LANCL3: variants seen among roughly 807,000 people sequenced by gnomAD.
LANCL3 encodes lanC-like protein 3.
LANCL3 carries 19 observed loss-of-function variants against 26.5 expected under a neutral mutation model. That is an observed-to-expected ratio of 0.72 (90% CI 0.50 to 1.05). The LOEUF (loss-of-function observed/expected upper bound fraction) is 1.05, where lower values mean the gene tolerates loss of function less well. Ranked by LOEUF, LANCL3 falls within the 50% of genes least tolerant of loss-of-function variation. LANCL3 has a pLI of 0.00. For synonymous variants in LANCL3, 160 were observed against 166.6 expected (o/e 0.96, Z 0.30); for missense variants, 318 against 362.7 (o/e 0.88, Z 1.00).
chrX:37,671,459 A>G (rs1926682750), intron 4 of LANCL3, among the ~76,000 whole-genome samples: 3 of 111,535 alleles, frequency 2.7e-5, no homozygotes, highest in African/African-American at 9.8e-5. Context: ...GTGTAATCCA[A>G]CGGCTTCCCA....
chrX:37,663,612 A>T (rs1238003248), intron 3 of LANCL3, among the ~76,000 whole-genome samples: 1 of 111,380 alleles, frequency 9.0e-6, no homozygotes, highest in Non-Finnish European at 1.9e-5. Context: ...AAGCAGGGGA[A>T]TGTCATGGTC....
intron 1 of LANCL3, among the ~76,000 whole-genome samples, chrX:37,644,457 C>T (rs1925940345): frequency 8.9e-6 from 1 of 112,074 alleles, no homozygotes; most frequent in Non-Finnish European, 1.9e-5. Context: ...CCAAAGGAGC[C>T]TCAAGCCCTG....
At chrX:37,589,182 G>A (rs1556418583) in intron 1 of LANCL3, among the ~76,000 whole-genome samples, 1 of 110,723 alleles carries the variant, frequency 9.0e-6, no homozygotes, top group East Asian at 2.8e-4. Flanking sequence ...AAAAAGAATT[G>A]CACATTTATT....
intron 3 of LANCL3, among the ~76,000 whole-genome samples, chrX:37,660,422 C>T (rs1926388865): frequency 8.9e-6 from 1 of 112,061 alleles, no homozygotes; most frequent in Non-Finnish European, 1.9e-5. Context: ...TAGTCATCCC[C>T]AGTAAACTCT....
intron 1 of LANCL3, among the ~76,000 whole-genome samples, chrX:37,649,397 T>TGAACAATGAG (rs782151445): frequency 9.1e-6 from 1 of 110,068 alleles, no homozygotes; most frequent in Non-Finnish European, 1.9e-5. Flanking sequence ...AAGTGGGAGT[T>TGAACAATGAG]GAACAATGAG....
chrX:37,652,645 G>A (rs1926182761), intron 1 of LANCL3, among the ~76,000 whole-genome samples: 1 of 112,317 alleles, frequency 8.9e-6, no homozygotes, highest in Non-Finnish European at 1.9e-5. Flanking sequence ...GTTTGGTGAA[G>A]GCCTGATGGC....
In LANCL3 at chrX:37,585,980, A is replaced by C. The variant is rs185373146; in HGVS notation, c.573+13537A>C. Among the ~76,000 whole-genome samples the C allele has an allele frequency of 1.0e-2, 1,107 of 111,194 alleles. 20 individuals are homozygous for C. Among genetic ancestry groups the C allele is most frequent in the African/African-American group, 0.035 (1,066 of 30,553 alleles). Reference sequence around the variant, plus strand: ...GAGTGCTTCCTTCAGGAGCTCTTTTAGGGCAGGCCTGGTGGTGACAAAATC... The same window carrying C: ...GAGTGCTTCCTTCAGGAGCTCTTTTCGGGCAGGCCTGGTGGTGACAAAATC... On this transcript the variant is annotated intron_variant, in intron 1 of 4. Transcript: ENST00000378619.
At chrX:37,590,247 C>T (rs1171568953) in intron 1 of LANCL3, among the ~76,000 whole-genome samples, 1 of 112,572 alleles carries the variant, frequency 8.9e-6, no homozygotes, top group Admixed American at 9.4e-5. Context: ...AGATAATTTG[C>T]TTACATAGCA....
intron 1 of LANCL3, among the ~76,000 whole-genome samples, chrX:37,583,180 C>CG (rs1306936628): frequency 8.9e-6 from 1 of 111,827 alleles, no homozygotes; most frequent in Non-Finnish European, 1.9e-5. Context: ...ATCGATATCT[C>CG]TGTTTTGGTA....
intron 1 of LANCL3, among the ~76,000 whole-genome samples, chrX:37,579,181 T>A (rs1923831851): frequency 9.0e-6 from 1 of 110,779 alleles, no homozygotes; most frequent in Admixed American, 9.7e-5. Context: ...ACATGTAACA[T>A]TCTTTATACT....
chrX:37,616,312 C>T (rs1226176087), intron 1 of LANCL3, among the ~76,000 whole-genome samples: 1 of 112,048 alleles, frequency 8.9e-6, no homozygotes, highest in Non-Finnish European at 1.9e-5. Context: ...CACTTCTTGG[C>T]TCAGAGAACT....
At chrX:37,596,016 C>T (rs1924419101) in intron 1 of LANCL3, among the ~76,000 whole-genome samples, 1 of 111,961 alleles carries the variant, frequency 8.9e-6, no homozygotes, top group African/African-American at 3.2e-5. Context: ...AGAGTCAAAG[C>T]TTATTTCCAG....
intron 1 of LANCL3, among the ~76,000 whole-genome samples, chrX:37,597,321 G>T (rs1476845997): frequency 8.9e-6 from 1 of 112,017 alleles, no homozygotes; most frequent in African/African-American, 3.2e-5. Flanking sequence ...GATCATTTGT[G>T]TACAGGTTTT....
At chrX:37,597,567 G>A (rs955191562) in intron 1 of LANCL3, among the ~76,000 whole-genome samples, 1 of 110,182 alleles carries the variant, frequency 9.1e-6, no homozygotes, top group Non-Finnish European at 1.9e-5. Context: ...GGCTGGGGGT[G>A]CAGTGGGGTG....
At position 37,678,698 on chromosome X, in the gene LANCL3, C is replaced by T. The variant is rs1926869284; in HGVS notation, c.*2885C>T. The T allele has an allele frequency of 2.7e-5, 3 of 111,484 alleles. No homozygotes were observed. The highest frequency in any genetic ancestry group is 9.6e-5 in the Admixed American group (1 of 10,462). The allele number at this position is 111,484 out of a possible 1,213,427, so 9.2% of individuals were successfully genotyped here. On this transcript the variant is annotated 3_prime_UTR_variant, in exon 5 of 5. Transcript: ENST00000378619. ...ATCAGTTTGTAGTCTTTTACTTCCA[C>T]TTGTAACTTGATAACTGAGTAGAAC...
chrX:37,627,636 G>A lies in LANCL3; in HGVS notation c.574-28052G>A, dbSNP rs190330717. Among the ~76,000 whole-genome samples, 7 of 111,660 alleles carry A rather than the reference G, an allele frequency of 6.3e-5. No individual in the cohort carries two copies. In the East Asian group the frequency reaches 2.0e-3, roughly 31 times the overall value. On this transcript the variant is annotated intron_variant, in intron 1 of 4. Transcript: ENST00000378619. ...GGGAAATACTGGTCTAGAGTAAGAG[G>A]AAAGCACACAGTAATGCCAACACTG...
chrX:37,574,371 C>T (rs1556416140), intron 1 of LANCL3, among the ~76,000 whole-genome samples: 2 of 111,501 alleles, frequency 1.8e-5, no homozygotes, highest in African/African-American at 3.3e-5. Flanking sequence ...CTCAGTATGT[C>T]CTGGGTTTCT....
At chrX:37,616,947 T>C (rs1482408828) in intron 1 of LANCL3, among the ~76,000 whole-genome samples, 1 of 111,916 alleles carries the variant, frequency 8.9e-6, no homozygotes, top group Non-Finnish European at 1.9e-5. Flanking sequence ...GATTTGTATG[T>C]ACATTAAAAC....
intron 1 of LANCL3, among the ~76,000 whole-genome samples, chrX:37,599,166 C>G (rs782195385): frequency 6.3e-5 from 7 of 111,812 alleles, no homozygotes; most frequent in Non-Finnish European, 9.4e-5. Context: ...CACTTAGGAA[C>G]TTTATGAACA....
Sources: gnomAD v4.1 joint callset for allele counts (sites outside exome capture counted in the v4.1 genomes callset) on GRCh38, gnomAD v4.1.1 for gene constraint, MANE v1.5 for transcripts, NCBI Gene and HGNC (gene_info 2026-07-23, HGNC 2026-07-21) for gene names.